The following CSMD1 variants were observed in gnomAD, a reference collection of about 807,000 sequenced individuals.
The protein encoded by CSMD1 is CUB and sushi domain-containing protein 1.
A neutral mutation model predicts 417.5 loss-of-function variants in CSMD1; 213 were observed. The ratio of observed to expected loss-of-function variants is 0.51; its 90% CI spans 0.46 to 0.57. CSMD1 has a LOEUF of 0.57. CSMD1 is among the 20% of genes least tolerant of loss of function. The pLI is 0.00. For missense variants in CSMD1, 6,923 were observed against 4,529.7 expected, an observed-to-expected ratio of 1.53 and a Z score of -15.17; for synonymous variants, 2,862 against 1,736.8, an observed-to-expected ratio of 1.65 and a Z score of -16.11.
At chr8:3,834,073 T>C (rs868683592) in intron 5 of CSMD1, among the ~76,000 whole-genome samples, 8 of 152,332 alleles carry the variant, frequency 5.3e-5, no homozygotes, top group Admixed American at 4.6e-4. Flanking sequence ...TGAAAAAATA[T>C]TATACTTTGA....
chr8:3,604,263 G>C (rs983826535), intron 8 of CSMD1, among the ~76,000 whole-genome samples: 4 of 152,134 alleles, frequency 2.6e-5, no homozygotes, highest in African/African-American at 9.7e-5. Flanking sequence ...TGGCTGGTCA[G>C]TGCTAGAAAG....
At chr8:4,194,752 A>G (rs920635022) in intron 3 of CSMD1, among the ~76,000 whole-genome samples, 39 of 151,820 alleles carry the variant, frequency 2.6e-4, no homozygotes, top group African/African-American at 8.7e-4. Flanking sequence ...TTAAATAAAC[A>G]TTTTTTTTAA....
chr8:3,387,718 T>C, intron 17 of CSMD1, 36 bp from the exon 18 acceptor site: 1 of 1,532,450 alleles, frequency 6.5e-7, no homozygotes, highest in Non-Finnish European at 8.8e-7. Context: ...GATGAGGATC[T>C]TTCTGGTTGA....
intron 2 of CSMD1, among the ~76,000 whole-genome samples, chr8:4,518,511 C>G (rs1055903664): frequency 6.6e-6 from 1 of 150,846 alleles, no homozygotes. Context: ...AAAACTATCG[C>G]AAGGACAAAA....
chr8:3,143,176 CT>C (rs1210524428), intron 40 of CSMD1, among the ~76,000 whole-genome samples: 1 of 151,982 alleles, frequency 6.6e-6, no homozygotes, highest in African/African-American at 2.4e-5. Flanking sequence ...TTGTGTTTGT[CT>C]GTTTATTTTG....
intron 1 of CSMD1, among the ~76,000 whole-genome samples, chr8:4,822,977 A>G (rs946865787): frequency 2.0e-5 from 3 of 152,152 alleles, no homozygotes; most frequent in African/African-American, 7.2e-5. Context: ...TCTAGCAACC[A>G]TTTGGGAAAT....
rs78913305 is a variant in CSMD1, at chr8:4,168,258, G to T, written c.416-136159C>A. 7.7e-3 allele frequency among the ~76,000 whole-genome samples: 1,159 copies of T among 151,014 alleles called. 16 individuals are homozygous for T. Among genetic ancestry groups the T allele is most frequent in the African/African-American group, 0.027 (1,121 of 40,998 alleles). On this transcript the variant is annotated intron_variant, in intron 3 of 69. Coordinates refer to ENST00000635120, the MANE Select transcript of CSMD1 (RefSeq NM_033225.6). ...ACACACAAAAAAATTAGTTGACATG[G>T]TAGGATGCACCTGTACTCCCAACTA...
At chr8:3,003,490 A>G (rs1807593562) in intron 52 of CSMD1, among the ~76,000 whole-genome samples, 1 of 152,230 alleles carries the variant, frequency 6.6e-6, no homozygotes, top group Non-Finnish European at 1.5e-5. Context: ...TGAAATGAAC[A>G]GAAACAGAAT....
intron 3 of CSMD1, among the ~76,000 whole-genome samples, chr8:4,166,909 T>C (rs573274251): frequency 1.3e-5 from 2 of 152,342 alleles, no homozygotes; most frequent in African/African-American, 2.4e-5. Context: ...CAGCCTCATT[T>C]TGAATGCTCA....
chr8:4,091,773 T>A (rs1192291654), intron 3 of CSMD1, among the ~76,000 whole-genome samples: 1 of 152,220 alleles, frequency 6.6e-6, no homozygotes, highest in Non-Finnish European at 1.5e-5. Flanking sequence ...TATTCTACTT[T>A]AAGTTGTAGT....
chr8:3,683,484 G>C (rs983091059), intron 7 of CSMD1, among the ~76,000 whole-genome samples: 3 of 152,158 alleles, frequency 2.0e-5, no homozygotes, highest in Admixed American at 6.5e-5. Context: ...GGTGTTCATA[G>C]GTACCTGTCA....
intron 50 of CSMD1, among the ~76,000 whole-genome samples, chr8:3,050,908 A>C (rs1811778066): frequency 6.6e-6 from 1 of 152,164 alleles, no homozygotes; most frequent in Admixed American, 6.5e-5. Flanking sequence ...TGCTAGTATC[A>C]CTGGCGCAAA....
At chr8:3,369,618 A>G (rs1004892463) in intron 18 of CSMD1, among the ~76,000 whole-genome samples, 21 of 152,202 alleles carry the variant, frequency 1.4e-4, no homozygotes, top group African/African-American at 4.6e-4. Flanking sequence ...GGAGAGCTGG[A>G]ACCTGCATTA....
chr8:4,408,440 G>A (rs1221778069), intron 3 of CSMD1, among the ~76,000 whole-genome samples: 1 of 152,170 alleles, frequency 6.6e-6, no homozygotes, highest in African/African-American at 2.4e-5. Context: ...AAAGAATTGG[G>A]AGAATACAAA....
chr8:4,641,696 G>A (rs1181674145), intron 1 of CSMD1, among the ~76,000 whole-genome samples: 2 of 152,150 alleles, frequency 1.3e-5, no homozygotes, highest in Non-Finnish European at 2.9e-5. Flanking sequence ...GTGCATTACA[G>A]ACCTCATGTA....
intron 3 of CSMD1, among the ~76,000 whole-genome samples, chr8:4,051,425 A>G (rs1176647549): frequency 6.6e-6 from 1 of 152,104 alleles, no homozygotes; most frequent in Non-Finnish European, 1.5e-5. Context: ...ATCAGACCGC[A>G]AGGTTGAAAA....
intron 37 of CSMD1, among the ~76,000 whole-genome samples, chr8:3,172,507 G>T (rs907038298): frequency 2.0e-5 from 3 of 152,138 alleles, no homozygotes; most frequent in Non-Finnish European, 2.9e-5. Context: ...CCCACCTCAA[G>T]AATTTAAATT....
At position 4,291,416 on chromosome 8, in the gene CSMD1, A is replaced by G. The variant is rs973603075; in HGVS notation, c.415+128537T>C. On this transcript the variant is annotated intron_variant, in intron 3 of 69. Coordinates refer to ENST00000635120, the MANE Select transcript of CSMD1 (RefSeq NM_033225.6). ...TAAAGTAAATCTCCATAATTAAAAT[A>G]CAACCTCCAAAGCATGGTAGAATTT... is the stretch of plus-strand genomic sequence containing the variant. Among the ~76,000 whole-genome samples, 29 of 152,156 alleles carry G rather than the reference A, an allele frequency of 1.9e-4. 1 individual carries two copies. The highest frequency in any genetic ancestry group is 1.8e-3 in the Admixed American group (28 of 15,258).
At chr8:4,052,028 C>A (rs1308657769) in intron 3 of CSMD1, among the ~76,000 whole-genome samples, 1 of 151,920 alleles carries the variant, frequency 6.6e-6, no homozygotes, top group East Asian at 1.9e-4. Flanking sequence ...CTGTCATATA[C>A]AGGTTCAAGG....
Sources: gnomAD v4.1 joint callset for allele counts (sites outside exome capture counted in the v4.1 genomes callset) on GRCh38, gnomAD v4.1.1 for gene constraint, MANE v1.5 for transcripts, NCBI Gene and HGNC (gene_info 2026-07-23, HGNC 2026-07-21) for gene names.